USP33: variants seen among roughly 807,000 people sequenced by gnomAD.
USP33 encodes the protein ubiquitin specific peptidase 33, also known as ubiquitin carboxyl-terminal hydrolase 33.
A neutral mutation model predicts 124.2 loss-of-function variants in USP33; 46 were observed. That is an observed-to-expected ratio of 0.37 (90% CI 0.29 to 0.47). The LOEUF is 0.47. USP33 is among the 20% of genes least tolerant of loss of function. The pLI, the probability that USP33 is intolerant of heterozygous loss-of-function variation, is 0.99. For missense variants in USP33, 851 were observed against 1,070.6 expected (o/e 0.79, Z 2.86); for synonymous variants, 350 against 352.3 (o/e 0.99, Z 0.07).
chr1:77,740,354 CTTT>C (rs772557695), intron 4 of USP33, among the ~76,000 whole-genome samples: 3 of 143,062 alleles, frequency 2.1e-5, no homozygotes, highest in Non-Finnish European at 1.5e-5. Flanking sequence ...TGGATATACA[CTTT>C]TTTTTTTTTT....
chr1:77,707,839 AT>A (rs1328373688), intron 21 of USP33, among the ~76,000 whole-genome samples: 10 of 152,244 alleles, frequency 6.6e-5, no homozygotes, highest in Admixed American at 6.5e-4. Flanking sequence ...CTACCAATTT[AT>A]TTTTTTCCTT....
chr1:77,720,165 G>GGAAAAAA (rs1553193694), intron 15 of USP33, among the ~76,000 whole-genome samples: 1 of 42,742 alleles, frequency 2.3e-5, no homozygotes, highest in Non-Finnish European at 4.4e-5. Context: ...TGTCTCAAAT[G>GGAAAAAA]AAAAAAAAAA....
rs1427313148 is a variant in USP33 at position 77,711,762 on chromosome 1, C to A, written c.2391G>T (p.Leu797Phe). 2 of 1,606,088 alleles carry A rather than the reference C, an allele frequency of 1.2e-6. No individual in the cohort carries two copies. The highest frequency in any genetic ancestry group is 1.7e-6 in the Non-Finnish European group (2 of 1,177,876). Residue 797 changes from leucine (L) to phenylalanine (F), a missense_variant, in exon 21 of 24, where the codon TTG (leucine) becomes TTT (phenylalanine). Physicochemically the swap from Leu to Phe is conservative, Grantham distance 22. Coordinates refer to ENST00000370794, the MANE Select transcript of USP33 (RefSeq NM_201624.3). ...ACTTTTTTACCCGAATAAAAATTTC[C>A]AATTCAGTTTTTCTTCTTTTTTCAA... ...EKIEKRRKTE[L>F]EIFIRLNRAF...
At chr1:77,719,020 T>C (rs1032242205) in intron 15 of USP33, among the ~76,000 whole-genome samples, 1 of 151,586 alleles carries the variant, frequency 6.6e-6, no homozygotes, top group African/African-American at 2.4e-5. Flanking sequence ...GTTACATGTA[T>C]ACATTAAATA....
At chr1:77,718,687 G>A (rs1010544207) in intron 15 of USP33, 46 bp from the exon 16 acceptor site, 26 of 1,456,176 alleles carry the variant, frequency 1.8e-5, no homozygotes, top group Non-Finnish European at 2.4e-5. Context: ...AAAAAACTTA[G>A]TATATTTAAA....
chr1:77,753,215 T>G (rs1680501858), intron 1 of USP33, among the ~76,000 whole-genome samples: 1 of 152,182 alleles, frequency 6.6e-6, no homozygotes, highest in East Asian at 1.9e-4. Flanking sequence ...GGTATTTGGA[T>G]TCTAGACCCT....
intron 1 of USP33, among the ~76,000 whole-genome samples, chr1:77,748,137 T>C (rs1242489013): frequency 6.6e-6 from 1 of 152,070 alleles, no homozygotes; most frequent in East Asian, 1.9e-4. Flanking sequence ...TTACTTCTTT[T>C]CAAGGGGAGG....
rs1475665833 is a variant in USP33, at chr1:77,711,617, T to C, written c.2406+130A>G. 3 of 1,445,444 alleles carry C rather than the reference T, an allele frequency of 2.1e-6. No individual in the cohort carries two copies. In the African/African-American group the frequency reaches 4.3e-5, roughly 21 times the overall value. The allele number at this position is 1,445,444 out of a possible 1,614,324, so 89.5% of individuals were successfully genotyped here. A position where few individuals can be genotyped will look rare whatever the true frequency, so the allele number is the denominator to read the frequency against. ...TGAACTGCCTGAGGTCATTCACCAT[T>C]ATGCACCTAGAACACTTGAAATCTA... is the stretch of plus-strand genomic sequence containing the variant. On this transcript the variant is annotated intron_variant, in intron 21 of 23. Transcript: ENST00000370794.
intron 20 of USP33, among the ~76,000 whole-genome samples, chr1:77,712,784 G>T (rs1194502178): frequency 6.6e-6 from 1 of 152,114 alleles, no homozygotes; most frequent in East Asian, 1.9e-4. Context: ...CTGGAGCCTA[G>T]GAGGTCGACG....
intron 1 of USP33, among the ~76,000 whole-genome samples, chr1:77,750,128 G>A (rs1049738157): frequency 1.3e-5 from 2 of 152,142 alleles, no homozygotes; most frequent in Non-Finnish European, 2.9e-5. Context: ...GACCAGCCTG[G>A]CCAACATGGC....
At chr1:77,755,197 G>C (rs959505390) in intron 1 of USP33, among the ~76,000 whole-genome samples, 1 of 151,782 alleles carries the variant, frequency 6.6e-6, no homozygotes, top group Non-Finnish European at 1.5e-5. Context: ...TAGAAACATG[G>C]AAAAACCTAA....
chr1:77,713,143 T>C, intron 20 of USP33, 57 bp downstream of exon 20: 3 of 1,424,266 alleles, frequency 2.1e-6, no homozygotes, highest in African/African-American at 1.5e-5. Context: ...TCCAAACCCC[T>C]TTTAACCAGT....
chr1:77,759,253 G>A (rs992539981), intron 1 of USP33: 2 of 216,020 alleles, frequency 9.3e-6, no homozygotes, highest in African/African-American at 4.6e-5. Context: ...AGGAGCCGGC[G>A]CGCTGCAGGG....
At chr1:77,738,773 C>A (rs140637832) in intron 5 of USP33, among the ~76,000 whole-genome samples, 1 of 152,186 alleles carries the variant, frequency 6.6e-6, no homozygotes. Context: ...AGCCACCGCA[C>A]CCAGCCCAAA....
At chr1:77,745,075 T>A (rs1274053886) in intron 1 of USP33, among the ~76,000 whole-genome samples, 2 of 152,202 alleles carry the variant, frequency 1.3e-5, no homozygotes, top group Non-Finnish European at 2.9e-5. Flanking sequence ...TTTGTAGGTC[T>A]CTAAGGACTT....
intron 7 of USP33, among the ~76,000 whole-genome samples, chr1:77,734,146 G>A (rs748997449): frequency 2.2e-4 from 33 of 152,010 alleles, no homozygotes; most frequent in Admixed American, 1.3e-4. Flanking sequence ...AACTACCCAG[G>A]GTTTACACAA....
At chr1:77,741,824 A>G in intron 1 of USP33, 76 bp from the exon 2 acceptor site, 1 of 1,333,388 alleles carries the variant, frequency 7.5e-7, no homozygotes, top group Non-Finnish European at 1.0e-6. Context: ...AAATAAAAAA[A>G]TTAAAATGTT....
At chr1:77,738,955 T>G (rs1332189555) in intron 5 of USP33, among the ~76,000 whole-genome samples, 1 of 152,130 alleles carries the variant, frequency 6.6e-6, no homozygotes, top group Non-Finnish European at 1.5e-5. Context: ...GCCCACCACC[T>G]TTCTTGAAAT....
chr1:77,754,210 A>G (rs967908486), intron 1 of USP33, among the ~76,000 whole-genome samples: 4 of 152,240 alleles, frequency 2.6e-5, no homozygotes, highest in African/African-American at 9.6e-5. Context: ...TTAAGATTCT[A>G]TGATTATAAA....
Sources: allele counts gnomAD v4.1 joint callset (sites outside exome capture counted in the v4.1 genomes callset), GRCh38; gene constraint gnomAD v4.1.1; transcripts MANE v1.5; gene names NCBI Gene and HGNC (gene_info 2026-07-23, HGNC 2026-07-21).